AGMO: variants seen among roughly 807,000 people sequenced by gnomAD.
AGMO encodes the protein alkylglycerol monooxygenase, also known as glyceryl-ether monooxygenase.
A neutral mutation model predicts 60.2 loss-of-function variants in AGMO; 75 were observed. That is an observed-to-expected ratio of 1.25 (90% CI 1.03 to 1.51). The LOEUF is 1.51. Among genes scored for constraint, AGMO ranks in the 40% most tolerant of loss-of-function variants. AGMO has a pLI of 0.00. For synonymous variants in AGMO, 261 were observed against 177.1 expected (o/e 1.47, Z -3.76); for missense variants, 763 against 525.5 (o/e 1.45, Z -4.42).
the AGMO span, among the ~76,000 whole-genome samples, chr7:15,131,986 A>C: frequency 6.6e-6 from 1 of 152,098 alleles, no homozygotes; most frequent in South Asian, 2.1e-4. Context: ...TGCTGGACTC[A>C]CAATTGTCCA....
At chr7:15,117,508 C>A in the AGMO span, among the ~76,000 whole-genome samples, 1 of 151,778 alleles carries the variant, frequency 6.6e-6, no homozygotes, top group Non-Finnish European at 1.5e-5. Context: ...AATTAGTGCT[C>A]CAATATACCT....
chr7:15,483,632 C>G lies in AGMO; in HGVS notation c.410-52524G>C, dbSNP rs140900860. Among the ~76,000 whole-genome samples the G allele has an allele frequency of 9.9e-3, 1,499 of 152,162 alleles. 30 individuals are homozygous for G. The highest frequency in any genetic ancestry group is 0.034 in the African/African-American group (1,421 of 41,542). ...ATAAAATTTCTAGGACTAAAACTAG[C>G]TCACATGGAAAAGCCTTTTATACAA... On this transcript the variant is annotated intron_variant, in intron 3 of 12. Coordinates refer to ENST00000342526, the MANE Select transcript of AGMO (RefSeq NM_001004320.2).
chr7:15,303,081 T>C (rs1322308036), intron 12 of AGMO, among the ~76,000 whole-genome samples: 4 of 152,136 alleles, frequency 2.6e-5, no homozygotes, highest in African/African-American at 9.7e-5. Context: ...ATTAATTGTA[T>C]TCTTACAGCC....
chr7:15,511,375 A>T, intron 3 of AGMO, among the ~76,000 whole-genome samples: 1 of 152,160 alleles, frequency 6.6e-6, no homozygotes, highest in East Asian at 1.9e-4. Context: ...GCCAGGAATC[A>T]ATTTTTTTTC....
intron 12 of AGMO, among the ~76,000 whole-genome samples, chr7:15,348,274 C>A (rs528850428): frequency 6.6e-6 from 1 of 151,964 alleles, no homozygotes; most frequent in South Asian, 2.1e-4. Context: ...TTGGGAGAAA[C>A]CCTCATCAAT....
chr7:15,336,567 T>C (rs1781668901), intron 12 of AGMO, among the ~76,000 whole-genome samples: 1 of 152,164 alleles, frequency 6.6e-6, no homozygotes, highest in Non-Finnish European at 1.5e-5. Flanking sequence ...TCCTAGCAAA[T>C]GATTTTGGGA....
chr7:15,146,634 T>C, the AGMO span, among the ~76,000 whole-genome samples: 2 of 152,154 alleles, frequency 1.3e-5, no homozygotes, highest in African/African-American at 2.4e-5. Flanking sequence ...CCAACAAGCA[T>C]TCTCTATTTT....
chr7:15,539,085 A>T (rs1025795883), intron 3 of AGMO, among the ~76,000 whole-genome samples: 1 of 152,126 alleles, frequency 6.6e-6, no homozygotes, highest in Non-Finnish European at 1.5e-5. Flanking sequence ...ATATAATAGT[A>T]AAAGGTGCAA....
At chr7:15,306,442 A>T (rs950345685) in intron 12 of AGMO, 3 of 453,756 alleles carry the variant, frequency 6.6e-6, no homozygotes, top group Non-Finnish European at 1.3e-5. Flanking sequence ...ATAATAGGAA[A>T]CATATTCTTC....
At position 15,529,630 on chromosome 7, in the gene AGMO, T is replaced by TATAC. The variant is rs1562554886; in HGVS notation, c.409+15141_409+15142insGTAT. 6.8e-4 allele frequency among the ~76,000 whole-genome samples: 20 copies of TATAC among 29,402 alleles called. 1 individual carries two copies. The highest frequency in any genetic ancestry group is 4.0e-3 in the African/African-American group (20 of 5,040). The allele number at this position is 29,402 out of a possible 152,430, so 19.3% of individuals were successfully genotyped here. A position where few individuals can be genotyped will look rare whatever the true frequency, so the allele number is the denominator to read the frequency against. On this transcript the variant is annotated intron_variant, in intron 3 of 12. Transcript: ENST00000342526. ...AGAGTATATATATAGAATATATATA[T>TATAC]AGAATATATATATATACTATATATT...
chr7:15,397,340 G>A (rs1019616819), intron 5 of AGMO, among the ~76,000 whole-genome samples: 1 of 151,706 alleles, frequency 6.6e-6, no homozygotes, highest in Non-Finnish European at 1.5e-5. Context: ...AACCCGAGCC[G>A]GCCCGCGAGC....
chr7:15,539,741 G>A (rs1275085418), intron 3 of AGMO, among the ~76,000 whole-genome samples: 1 of 152,056 alleles, frequency 6.6e-6, no homozygotes, highest in Non-Finnish European at 1.5e-5. Flanking sequence ...GAACTAACTT[G>A]CACTCCCACC....
At chr7:15,367,876 C>T (rs1263173335) in intron 10 of AGMO, among the ~76,000 whole-genome samples, 4 of 152,188 alleles carry the variant, frequency 2.6e-5, no homozygotes, top group East Asian at 1.9e-4. Flanking sequence ...GGAATTTCAC[C>T]TATTAGCTAA....
At chr7:15,154,644 G>A in the AGMO span, among the ~76,000 whole-genome samples, 1 of 152,144 alleles carries the variant, frequency 6.6e-6, no homozygotes, top group African/African-American at 2.4e-5. Context: ...TCATGTGATG[G>A]TGCTGTTAGC....
At chr7:15,351,020 T>C (rs978266464) in intron 12 of AGMO, among the ~76,000 whole-genome samples, 8 of 152,182 alleles carry the variant, frequency 5.3e-5, no homozygotes, top group African/African-American at 1.9e-4. Context: ...ACTGTGGGCA[T>C]GCATGAGATA....
intron 5 of AGMO, among the ~76,000 whole-genome samples, chr7:15,396,992 G>T (rs1366856640): frequency 6.6e-6 from 1 of 152,140 alleles, no homozygotes; most frequent in African/African-American, 2.4e-5. Context: ...ACTAGACATA[G>T]AGTGCTGATT....
At position 15,234,976 on chromosome 7, in the gene AGMO, C is replaced by T. The variant is rs565703190; in HGVS notation, c.1264-33617G>A. On this transcript the variant is annotated intron_variant, in intron 12 of 12. Coordinates refer to ENST00000342526, the MANE Select transcript of AGMO (RefSeq NM_001004320.2). ...CCGTTTTAGCTTTTCCTAATCTTCT[C>T]CTACCCTATGGTTTTGCTATGCTAA... Among the ~76,000 whole-genome samples, 105 of 152,208 alleles carry T rather than the reference C, an allele frequency of 6.9e-4. 1 individual carries two copies. Among genetic ancestry groups the T allele is most frequent in the Admixed American group, 1.4e-3 (21 of 15,278 alleles).
chr7:15,460,574 A>T (rs547008204), intron 3 of AGMO, among the ~76,000 whole-genome samples: 3 of 152,200 alleles, frequency 2.0e-5, no homozygotes, highest in African/African-American at 7.2e-5. Context: ...ACTCTTACAT[A>T]TTGTGTCAAA....
At chr7:15,119,535 A>G in the AGMO span, among the ~76,000 whole-genome samples, 1 of 152,068 alleles carries the variant, frequency 6.6e-6, no homozygotes, top group Admixed American at 6.6e-5. Flanking sequence ...CCTTGCATAC[A>G]TCCTCAGCTT....
Sources: gnomAD v4.1 joint callset for allele counts (sites outside exome capture counted in the v4.1 genomes callset) on GRCh38, gnomAD v4.1.1 for gene constraint, MANE v1.5 for transcripts, NCBI Gene and HGNC (gene_info 2026-07-23, HGNC 2026-07-21) for gene names.